Variants in IGSF9B observed in about 807,000 individuals in gnomAD.
The protein encoded by IGSF9B is protein turtle homolog B.
A neutral mutation model predicts 143.7 loss-of-function variants in IGSF9B; 48 were observed. The observed-to-expected ratio is 0.33, with a 90% CI of 0.26 to 0.42. The LOEUF (loss-of-function observed/expected upper bound fraction) is 0.42. Among genes scored for constraint, IGSF9B ranks in the 20% least tolerant of loss-of-function variants. The pLI is 1.00. For missense variants in IGSF9B, 1,706 were observed against 1,980.0 expected (o/e 0.86, Z 2.63); for synonymous variants, 903 against 833.1 (o/e 1.08, Z -1.44).
chr11:133,927,596 G>A (rs2121303945), intron 12 of IGSF9B, among the ~76,000 whole-genome samples: 1 of 152,320 alleles, frequency 6.6e-6, no homozygotes, highest in Admixed American at 6.5e-5. Flanking sequence ...GATGTCCAGG[G>A]TATAAGACCA....
intron 18 of IGSF9B, chr11:133,918,942 G>C: frequency 2.2e-6 from 1 of 464,830 alleles, no homozygotes; most frequent in Non-Finnish European, 4.4e-6. Context: ...AAGGAAGGAG[G>C]GGCAGGGGGA....
chr11:133,911,994 C>T lies in IGSF9B; in HGVS notation c.3997G>A (p.Ala1333Thr). Residue 1333 changes from alanine to threonine, a missense_variant, in exon 19 of 20, where the codon GCA becomes ACA. Coordinates refer to ENST00000533871, the MANE Select transcript of IGSF9B (RefSeq NM_001277285.4). ...TLPTSGTLPP[A>T]PGNAAAPERL... is the part of the protein sequence containing the mutation. Reference sequence around the variant, plus strand: ...TCAGGCGCAGCAGCGTTCCCGGGTGCAGGTGGAAGTGTTCTGGAAAGGACA... The same window carrying T: ...TCAGGCGCAGCAGCGTTCCCGGGTGTAGGTGGAAGTGTTCTGGAAAGGACA... 1 of 1,528,910 alleles carries T rather than the reference C, an allele frequency of 6.5e-7. No homozygotes were observed. The highest frequency in any genetic ancestry group is 1.2e-5 in the South Asian group (1 of 82,782). The allele number at this position is 1,528,910 out of a possible 1,614,324, so 94.7% of individuals were successfully genotyped here. A position where few individuals can be genotyped will look rare whatever the true frequency, so the allele number is the denominator to read the frequency against.
rs1415880928 is a variant in IGSF9B at position 133,913,169 on chromosome 11, G to A, written c.3984-1162C>T. 3.3e-5 allele frequency among the ~76,000 whole-genome samples: 5 copies of A among 152,102 alleles called. No homozygotes were observed. Among genetic ancestry groups the A allele is most frequent in the Admixed American group, 6.5e-5 (1 of 15,280 alleles). On this transcript the variant is annotated intron_variant, in intron 18 of 19. Coordinates refer to ENST00000533871, the MANE Select transcript of IGSF9B (RefSeq NM_001277285.4). The surrounding 1 kb of genome is among the most constrained non-coding windows in gnomAD (Gnocchi z 4.6). ...AGCAGGGACGCTCTGGGGCCACGGCGGACAGGCGTGCCTCGCTCTTCTTCT... is the reference window on the plus strand; with the variant it reads ...AGCAGGGACGCTCTGGGGCCACGGCAGACAGGCGTGCCTCGCTCTTCTTCT...
chr11:133,943,252 A>ATTTTG, intron 3 of IGSF9B, among the ~76,000 whole-genome samples: 1 of 152,350 alleles, frequency 6.6e-6, no homozygotes, highest in East Asian at 1.9e-4. Flanking sequence ...CTAGATACAA[A>ATTTTG]TTTTGTCATC....
chr11:133,913,927 C>T lies in IGSF9B; in HGVS notation c.3984-1920G>A, dbSNP rs1309134519. ...CAGGAGGACCACACAGGGTGAGCGA[C>T]GTGTGGTCAGGGAGGCGCATGACCG... On this transcript the variant is annotated intron_variant, in intron 18 of 19. Coordinates refer to ENST00000533871, the MANE Select transcript of IGSF9B (RefSeq NM_001277285.4). This position sits in a 1 kb window ranked among gnomAD's most constrained non-coding sequence, Gnocchi z 4.6. 6.6e-6 allele frequency among the ~76,000 whole-genome samples: 1 copy of T among 152,174 alleles called. No homozygotes were observed. The highest frequency in any genetic ancestry group is 2.4e-5 in the African/African-American group (1 of 41,446).
chr11:133,896,720 G>A lies in IGSF9B; in HGVS notation c.*12349C>T, dbSNP rs1022721466. On this transcript the variant is annotated 3_prime_UTR_variant, in exon 20 of 20. Coordinates refer to ENST00000533871, the MANE Select transcript of IGSF9B (RefSeq NM_001277285.4). ...ACTTAGCAAGCCTGGAAATACCAGC[G>A]AGTGGAGCCTGGCGTGGTAGCCTGA... 12 of 152,344 alleles carry A rather than the reference G, an allele frequency of 7.9e-5. No individual in the cohort carries two copies. The highest frequency in any genetic ancestry group is 1.9e-4 in the East Asian group (1 of 5,162). The allele number at this position is 152,344 out of a possible 1,614,324, so 9.4% of individuals were successfully genotyped here.
At chr11:133,936,248 A>G in intron 5 of IGSF9B, 54 bp from the exon 6 acceptor site, 1 of 1,556,080 alleles carries the variant, frequency 6.4e-7, no homozygotes, top group South Asian at 1.2e-5. Flanking sequence ...CGGCAGCAGC[A>G]CCCAGGCCTC....
At chr11:133,926,407 G>A (rs540048597) in intron 13 of IGSF9B, among the ~76,000 whole-genome samples, 53 of 152,172 alleles carry the variant, frequency 3.5e-4, no homozygotes, top group Non-Finnish European at 5.9e-4. Context: ...GGCTGGAGTC[G>A]CGCCACCTAC....
rs1369797597 is a variant in IGSF9B, at chr11:133,925,819, G to A, written c.1954C>T (p.Arg652Cys). 3.7e-6 allele frequency: 6 copies of A among 1,613,874 alleles called. No individual in the cohort carries two copies. The highest frequency in any genetic ancestry group is 1.7e-5 in the Admixed American group (1 of 60,018). Residue 652 changes from arginine to cysteine, a missense_variant, in exon 14 of 20, where the codon CGT (arginine) becomes TGT (cysteine). This residue lies in a region of IGSF9B where 267 missense variants were observed against 321.1 expected (regional missense o/e 0.83). Transcript: ENST00000533871. ...FPIDRYIMEFRVAERWELLDD... is the reference protein window; with the variant it reads ...FPIDRYIMEFCVAERWELLDD... ...AGCAACTCCCAGCGCTCTGCGACAC[G>A]GAACTCCATGATGTAGCGGTCGATG...
In IGSF9B at chr11:133,920,889, G is replaced by C. The variant is rs778188740; in HGVS notation, c.2836C>G (p.Arg946Gly). 1 of 1,607,268 alleles carries C rather than the reference G, an allele frequency of 6.2e-7. No homozygotes were observed. Among genetic ancestry groups the C allele is most frequent in the South Asian group, 1.1e-5 (1 of 90,864 alleles). The stretch of plus-strand genomic sequence containing the variant: ...CGGGCCTGGCCTGTGGCCTGAAGCC[G>C]ACCTTCCAGGCCACCGGGGCCCTCC... ...GLEGPGGLEG[R>G]LQATGQARPP... Residue 946 changes from arginine to glycine, a missense_variant, in exon 18 of 20, where the codon CGG (arginine) becomes GGG (glycine). Around this residue, in one of 7 missense-constraint regions of IGSF9B, gnomAD observed 880 missense variants for 762.9 expected, o/e 1.15. Transcript: ENST00000533871.
At position 133,928,562 on chromosome 11, in the gene IGSF9B, G is replaced by A. The variant is rs945057309; in HGVS notation, c.1631+1109C>T. On this transcript the variant is annotated intron_variant, in intron 12 of 19. Coordinates refer to ENST00000533871, the MANE Select transcript of IGSF9B (RefSeq NM_001277285.4). This position sits in a 1 kb window ranked among gnomAD's most constrained non-coding sequence, Gnocchi z 4.7. ...AGCTCCCCCTCCTCGAGTTGAGCCT[G>A]GCTAGAGAGACACCTGCAGGTGAGA... 6.6e-6 allele frequency among the ~76,000 whole-genome samples: 1 copy of A among 152,124 alleles called. No individual in the cohort carries two copies. The highest frequency in any genetic ancestry group is 2.4e-5 in the African/African-American group (1 of 41,428).
intron 12 of IGSF9B, among the ~76,000 whole-genome samples, chr11:133,927,869 C>T (rs1003380639): frequency 2.6e-5 from 4 of 152,152 alleles, no homozygotes; most frequent in African/African-American, 7.2e-5. Context: ...GATCCACTCC[C>T]GGGTCCCGGC....
At position 133,905,568 on chromosome 11, in the gene IGSF9B, C is replaced by T. The variant is rs1939198707; in HGVS notation, c.*3501G>A. 6.6e-6 allele frequency among the ~76,000 whole-genome samples: 1 copy of T among 152,184 alleles called. No individual in the cohort carries two copies. Among genetic ancestry groups the T allele is most frequent in the African/African-American group, 2.4e-5 (1 of 41,436 alleles). On this transcript the variant is annotated 3_prime_UTR_variant, in exon 20 of 20. Coordinates refer to ENST00000533871, the MANE Select transcript of IGSF9B (RefSeq NM_001277285.4). The surrounding 1 kb of genome is among the most constrained non-coding windows in gnomAD (Gnocchi z 4.0). The stretch of plus-strand genomic sequence containing the variant: ...GAGCATGGAAAAATAACAAGAAATA[C>T]TCGGCTCAATCCACCCGGCTTCAGT...
At position 133,943,126 on chromosome 11, in the gene IGSF9B, T is replaced by G. The variant is rs1939981793; in HGVS notation, c.409+1094A>C. On this transcript the variant is annotated intron_variant, in intron 3 of 19. Coordinates refer to ENST00000533871, the MANE Select transcript of IGSF9B (RefSeq NM_001277285.4). The stretch of plus-strand genomic sequence containing the variant: ...CTTCCAAGCCAGGAACGTCAATTTC[T>G]CTATTCTAACCACAGCATCTATGGT... Among the ~76,000 whole-genome samples the G allele has an allele frequency of 2.0e-5, 3 of 152,222 alleles. No individual in the cohort carries two copies. In the South Asian group the frequency reaches 6.2e-4, roughly 32 times the overall value.
chr11:133,920,166 C>T lies in IGSF9B; in HGVS notation c.3559G>A (p.Ala1187Thr), dbSNP rs1332898065. The T allele has an allele frequency of 6.6e-6, 10 of 1,509,666 alleles. No individual in the cohort carries two copies. Among genetic ancestry groups the T allele is most frequent in the South Asian group, 2.7e-5 (2 of 74,170 alleles). 93.5% of individuals were successfully genotyped at this position (1,509,666 alleles called of 1,614,324 possible). ...ACCACTTGATGTAAACTGGGCTCGG[C>T]GCGCCTGGCCTGCCGAGGGCTAGGC... ...PRPSPRQARR[A>T]EPSLHQVVLQ... is the part of the protein sequence containing the mutation. The change falls in exon 18 of 20, where the codon GCC becomes ACC. Residue 1187 changes from alanine to threonine, a missense_variant. Transcript: ENST00000533871.
At chr11:133,947,810 C>T (rs914407502) in intron 1 of IGSF9B, among the ~76,000 whole-genome samples, 3 of 151,726 alleles carry the variant, frequency 2.0e-5, no homozygotes, top group Non-Finnish European at 4.4e-5. Flanking sequence ...CTCTCTCTAG[C>T]TCCTTCTCTG....
rs1365321675 is a variant in IGSF9B, at chr11:133,906,515, G to A, written c.*2554C>T. Among the ~76,000 whole-genome samples, 3 of 152,204 alleles carry A rather than the reference G, an allele frequency of 2.0e-5. No homozygotes were observed. The highest frequency in any genetic ancestry group is 1.3e-4 in the Admixed American group (2 of 15,288). On this transcript the variant is annotated 3_prime_UTR_variant, in exon 20 of 20. Transcript: ENST00000533871. ...TGACCAGCGAAAAGCACGGCTCCCC[G>A]CGTTGGGTCTACGTGCTGAGGTCAT... is the stretch of plus-strand genomic sequence containing the variant.
rs1423766733 is a variant in IGSF9B at position 133,908,390 on chromosome 11, G to C, written c.*679C>G. Among the ~76,000 whole-genome samples the C allele has an allele frequency of 6.6e-6, 1 of 152,080 alleles. No homozygotes were observed. On this transcript the variant is annotated 3_prime_UTR_variant, in exon 20 of 20. Transcript: ENST00000533871. Reference sequence around the variant, plus strand: ...CCCATTTCTGCTCTGGGTGGGAGAAGGTAGGAGACACACGGAGAATTCAGC... The same window carrying C: ...CCCATTTCTGCTCTGGGTGGGAGAACGTAGGAGACACACGGAGAATTCAGC...
intron 1 of IGSF9B, 154 bp from the exon 2 acceptor site, chr11:133,946,412 C>T (rs1231297622): frequency 3.1e-6 from 2 of 641,042 alleles, no homozygotes; most frequent in Admixed American, 2.6e-5. Context: ...GCACACCCTC[C>T]ATCCCTCTCC....
Sources: allele counts gnomAD v4.1 joint callset (sites outside exome capture counted in the v4.1 genomes callset), GRCh38; gene constraint gnomAD v4.1.1; regional missense constraint gnomAD v4.1.1; non-coding constraint Gnocchi (gnomAD v3.1); transcripts MANE v1.5; gene names NCBI Gene and HGNC (gene_info 2026-07-23, HGNC 2026-07-21).